The following PEAK1 variants were observed in gnomAD, a reference collection of about 807,000 sequenced individuals.
PEAK1 encodes the protein pseudopodium enriched atypical kinase 1, also known as inactive tyrosine-protein kinase PEAK1.
A neutral mutation model predicts 124.7 loss-of-function variants in PEAK1; 54 were observed. The observed-to-expected ratio is 0.43, with a 90% CI of 0.35 to 0.54. PEAK1 has a LOEUF of 0.54. Ranked by LOEUF, PEAK1 falls within the 20% of genes least tolerant of loss-of-function variation. PEAK1 has a pLI of 0.01. For synonymous variants in PEAK1, 719 were observed against 760.0 expected, an observed-to-expected ratio of 0.95 and a Z score of 0.89; for missense variants, 2,046 against 2,134.5, an observed-to-expected ratio of 0.96 and a Z score of 0.82.
At chr15:77,300,459 T>C (rs1436961531) in intron 2 of PEAK1, among the ~76,000 whole-genome samples, 1 of 152,220 alleles carries the variant, frequency 6.6e-6, no homozygotes, top group East Asian at 1.9e-4. Flanking sequence ...CTTTCTTTTT[T>C]TAAAAATACA....
intron 2 of PEAK1, among the ~76,000 whole-genome samples, chr15:77,309,004 T>C (rs1243213677): frequency 6.6e-6 from 1 of 152,030 alleles, no homozygotes; most frequent in African/African-American, 2.4e-5. Flanking sequence ...ATTTCAGGAG[T>C]ATGAGTAAAA....
chr15:77,252,405 A>C lies in PEAK1; in HGVS notation c.-153T>G, dbSNP rs990823913. On this transcript the variant is annotated 5_prime_UTR_variant, in exon 6 of 10. Transcript: ENST00000682557. ...AGCACTTCATTCATTCTGGTGACAA[A>C]GGTGGTTTTAGCAGCTAGCAAAACA... The C allele has an allele frequency of 2.0e-6, 2 of 985,268 alleles. No individual in the cohort carries two copies. Among genetic ancestry groups the C allele is most frequent in the African/African-American group, 3.5e-5 (2 of 57,224 alleles). 61.0% of individuals were successfully genotyped at this position (985,268 alleles called of 1,614,324 possible).
At chr15:77,372,174 G>T (rs575809998) in intron 1 of PEAK1, among the ~76,000 whole-genome samples, 44 of 152,336 alleles carry the variant, frequency 2.9e-4, no homozygotes, top group Middle Eastern at 3.4e-3. Context: ...ATAAGAAGAT[G>T]CATTGCTCCA....
chr15:77,300,174 A>T (rs1392719059), intron 2 of PEAK1, among the ~76,000 whole-genome samples: 3 of 152,218 alleles, frequency 2.0e-5, no homozygotes, highest in African/African-American at 7.2e-5. Flanking sequence ...TGAATTATTC[A>T]GGAAGGAAGG....
At chr15:77,278,900 T>A in intron 5 of PEAK1, 1 of 247,746 alleles carries the variant, frequency 4.0e-6, no homozygotes, top group Non-Finnish European at 7.6e-6. Context: ...TGGCATCATC[T>A]CTGCTCACTG....
intron 6 of PEAK1, among the ~76,000 whole-genome samples, chr15:77,249,138 A>T (rs1025553554): frequency 6.1e-5 from 9 of 147,292 alleles, no homozygotes; most frequent in African/African-American, 9.9e-5. Flanking sequence ...TACTATTGAA[A>T]TTTTTTTTTT....
chr15:77,297,160 T>C (rs182593922), intron 2 of PEAK1, among the ~76,000 whole-genome samples: 27 of 151,974 alleles, frequency 1.8e-4, no homozygotes, highest in African/African-American at 6.1e-4. Flanking sequence ...ACACAGAGAA[T>C]GTGAAATGCT....
intron 6 of PEAK1, among the ~76,000 whole-genome samples, chr15:77,228,256 C>A (rs2059764025): frequency 6.6e-6 from 1 of 152,100 alleles, no homozygotes; most frequent in Non-Finnish European, 1.5e-5. Context: ...TTACCAGTTG[C>A]ATTATAATAC....
intron 5 of PEAK1, chr15:77,255,351 C>T (rs1434728968): frequency 1.0e-6 from 1 of 979,308 alleles, no homozygotes; most frequent in Non-Finnish European, 1.2e-6. Flanking sequence ...TCTGACTCTC[C>T]ATTTATTCCA....
intron 6 of PEAK1, among the ~76,000 whole-genome samples, chr15:77,236,496 C>T (rs2060131209): frequency 6.6e-6 from 1 of 152,184 alleles, no homozygotes. Context: ...ATTCCTGTTC[C>T]CTCCATTGTA....
At chr15:77,263,108 G>A (rs1198829463) in intron 5 of PEAK1, among the ~76,000 whole-genome samples, 9 of 152,230 alleles carry the variant, frequency 5.9e-5, no homozygotes, top group Middle Eastern at 6.8e-3. Context: ...AAAGCAGTGC[G>A]TAGAGGGAAA....
Position 77,133,397 on chromosome 15 carries a change from G to C in PEAK1, c.3685C>G (p.Pro1229Ala), listed in dbSNP as rs772566957. ...ERPLRKERPV[P>A]SAANSISSLT... The stretch of plus-strand genomic sequence containing the variant: ...CTGGAAATGCTGTTTGCTGCTGAGG[G>C]GACAGGTCTCTCCTTGCGCAAAGGC... The change falls in exon 9 of 10, where the codon CCC becomes GCC. Residue 1229 changes from proline to alanine, a missense_variant. Physicochemically the swap from Pro to Ala is conservative, Grantham distance 27 (BLOSUM62 -1). Transcript: ENST00000682557. This position sits in a 1 kb window ranked among gnomAD's most constrained non-coding sequence, Gnocchi z 4.2. 21 of 1,614,050 alleles carry C rather than the reference G, an allele frequency of 1.3e-5. No homozygotes were observed. In the South Asian group the frequency reaches 2.2e-4, roughly 17 times the overall value.
intron 1 of PEAK1, among the ~76,000 whole-genome samples, chr15:77,399,060 A>G (rs531572575): frequency 8.5e-5 from 13 of 152,324 alleles, no homozygotes; most frequent in African/African-American, 2.9e-4. Flanking sequence ...CAAAGAAGCG[A>G]AAGATCCTTA....
chr15:77,232,314 AAC>A (rs3071161), intron 6 of PEAK1, among the ~76,000 whole-genome samples: 50,739 of 149,650 alleles, frequency 0.34, 8,688 homozygotes, highest in Non-Finnish European at 0.39. Flanking sequence ...AGTGTCAGGA[AAC>A]ACACACACAC....
chr15:77,342,674 G>A (rs1038069491), intron 2 of PEAK1, among the ~76,000 whole-genome samples: 4 of 152,094 alleles, frequency 2.6e-5, no homozygotes, highest in Non-Finnish European at 5.9e-5. Flanking sequence ...CTTCCAAAGT[G>A]CTGGGATTAC....
intron 8 of PEAK1, among the ~76,000 whole-genome samples, chr15:77,144,726 C>T (rs920492054): frequency 6.6e-6 from 1 of 152,220 alleles, no homozygotes; most frequent in East Asian, 1.9e-4. Context: ...AAACCACAAA[C>T]ATTCCACAGC....
At chr15:77,197,710 A>G (rs1035759004) in intron 6 of PEAK1, among the ~76,000 whole-genome samples, 2 of 152,196 alleles carry the variant, frequency 1.3e-5, no homozygotes, top group African/African-American at 4.8e-5. Flanking sequence ...AAACCATGTT[A>G]GGGAACTAAG....
chr15:77,283,025 T>C (rs564326571), intron 5 of PEAK1, among the ~76,000 whole-genome samples: 1 of 152,270 alleles, frequency 6.6e-6, no homozygotes, highest in African/African-American at 2.4e-5. Context: ...TTGAATTCCA[T>C]GGATCTGTGA....
intron 2 of PEAK1, among the ~76,000 whole-genome samples, chr15:77,355,483 A>T (rs1222901802): frequency 6.6e-6 from 1 of 152,076 alleles, no homozygotes; most frequent in Non-Finnish European, 1.5e-5. Context: ...AGTCAGAGAG[A>T]CCCTTTTATA....
Sources: allele counts gnomAD v4.1 joint callset (sites outside exome capture counted in the v4.1 genomes callset), GRCh38; gene constraint gnomAD v4.1.1; non-coding constraint Gnocchi (gnomAD v3.1); transcripts MANE v1.5; gene names NCBI Gene and HGNC (gene_info 2026-07-23, HGNC 2026-07-21).